Variants in C5 observed in about 807,000 individuals in gnomAD.
C5 encodes C3 and PZP-like alpha-2-macroglobulin domain-containing protein 4.
C5 carries 140 observed loss-of-function variants against 218.8 expected under a neutral mutation model. That is an observed-to-expected ratio of 0.64 (90% CI 0.56 to 0.74). The LOEUF is 0.74. Ranked by LOEUF, C5 falls within the 30% of genes least tolerant of loss-of-function variation. The pLI, the probability that C5 is intolerant of heterozygous loss-of-function variation, is 0.00. For synonymous variants in C5, 614 were observed against 682.3 expected (o/e 0.90, Z 1.56); for missense variants, 1,700 against 1,969.6 (o/e 0.86, Z 2.59).
chr9:120,962,133 A>G (rs756786452), intron 36 of C5, among the ~76,000 whole-genome samples: 4 of 152,204 alleles, frequency 2.6e-5, no homozygotes, highest in Non-Finnish European at 5.9e-5. Flanking sequence ...CAAATGTGGG[A>G]TCACCCATTC....
At chr9:121,019,921 A>G in intron 12 of C5, 55 bp downstream of exon 12, 1 of 1,174,064 alleles carries the variant, frequency 8.5e-7, no homozygotes. Context: ...TCTAGAGGCA[A>G]AGGAAAATGT....
chr9:121,062,429 T>C, the C5 span, among the ~76,000 whole-genome samples: 1 of 152,134 alleles, frequency 6.6e-6, no homozygotes, highest in Non-Finnish European at 1.5e-5. Context: ...CTTCTGCGTG[T>C]GGGGTTTGGG....
chr9:120,978,000 T>C (rs1245128488), intron 28 of C5, among the ~76,000 whole-genome samples: 1 of 152,116 alleles, frequency 6.6e-6, no homozygotes, highest in Non-Finnish European at 1.5e-5. Context: ...AAGGGATTAT[T>C]ATTATTATTA....
chr9:120,998,782 C>T (rs2131725582), intron 20 of C5, among the ~76,000 whole-genome samples: 1 of 152,290 alleles, frequency 6.6e-6, no homozygotes, highest in East Asian at 1.9e-4. Context: ...AAACATTTTT[C>T]ATCTTCCCTC....
intron 33 of C5, among the ~76,000 whole-genome samples, chr9:120,966,283 G>A (rs1361120596): frequency 6.6e-6 from 1 of 152,180 alleles, no homozygotes; most frequent in Non-Finnish European, 1.5e-5. Context: ...TTGATAATCT[G>A]GAATTAGGCC....
intron 11 of C5, 135 bp from the exon 12 acceptor site, chr9:121,020,314 T>C: frequency 1.4e-6 from 1 of 720,114 alleles, no homozygotes. Context: ...GAAAAAACCC[T>C]CCATTACTTC....
At chr9:120,971,115 T>C (rs1181687452) in intron 31 of C5, among the ~76,000 whole-genome samples, 1 of 142,280 alleles carries the variant, frequency 7.0e-6, no homozygotes, top group East Asian at 2.1e-4. Context: ...GAGGTTGCAG[T>C]GAGCCAAGAT....
chr9:121,025,555 G>A lies in C5; in HGVS notation c.899C>T (p.Thr300Ile). 6.2e-7 allele frequency: 1 copy of A among 1,612,766 alleles called. No individual in the cohort carries two copies. Among genetic ancestry groups the A allele is most frequent in the Non-Finnish European group, 8.5e-7 (1 of 1,179,584 alleles). ...TTTGACTGCTGTTTCAGAATCAAAT[G>A]TGACTTGAGCAATTCCATTTATCAA... Reference protein sequence around the residue: ...TMLINGIAQVTFDSETAVKEL... With the variant: ...TMLINGIAQVIFDSETAVKEL... Residue 300 changes from threonine (T) to isoleucine (I), a missense_variant, in exon 9 of 41, where the codon ACA becomes ATA. Transcript: ENST00000223642.
chr9:121,073,238 C>T, the C5 span, among the ~76,000 whole-genome samples: 26 of 152,320 alleles, frequency 1.7e-4, no homozygotes, highest in Admixed American at 5.9e-4. Flanking sequence ...TTTGTTCCAG[C>T]CACACTGAAT....
intron 21 of C5, among the ~76,000 whole-genome samples, chr9:120,996,738 T>C (rs1310759672): frequency 6.6e-6 from 1 of 152,158 alleles, no homozygotes; most frequent in Non-Finnish European, 1.5e-5. Context: ...CAAGGATGCA[T>C]GGGAATGTGC....
chr9:120,967,497 T>G (rs909670543), intron 33 of C5, among the ~76,000 whole-genome samples: 2 of 152,172 alleles, frequency 1.3e-5, no homozygotes, highest in African/African-American at 4.8e-5. Context: ...ACTGGGTGCA[T>G]GATTATAAGT....
intron 37 of C5, 132 bp from the exon 38 acceptor site, chr9:120,960,469 C>A (rs2046818845): frequency 1.5e-6 from 1 of 661,908 alleles, no homozygotes; most frequent in South Asian, 1.6e-5. Flanking sequence ...TTTCTAAGAC[C>A]TGCCCATTTT....
the C5 span, among the ~76,000 whole-genome samples, chr9:121,066,883 C>T: frequency 7.5e-6 from 1 of 134,128 alleles, no homozygotes; most frequent in African/African-American, 3.0e-5. Flanking sequence ...AAAACAAAAA[C>T]ACATGATCAT....
intron 34 of C5, 146 bp downstream of exon 34, chr9:120,963,490 T>G (rs1459825193): frequency 4.5e-6 from 3 of 666,040 alleles, no homozygotes; most frequent in Non-Finnish European, 7.9e-6. Context: ...GCAACAAGAG[T>G]GAAAATCCAC....
Position 121,037,924 on chromosome 9 carries a change from T to C in C5, c.449A>G (p.Asp150Gly). 2.0e-6 allele frequency: 3 copies of C among 1,533,812 alleles called. No individual in the cohort carries two copies. The highest frequency in any genetic ancestry group is 2.7e-6 in the Non-Finnish European group (3 of 1,118,966). ...SVKVRVYSLN[D>G]DLKPAKRETV... ...TTCTCTTTTGGCTGGCTTCAAGTCGTCATTCAACGAATAAACTCTAACTTT... is the reference window on the plus strand; with the variant it reads ...TTCTCTTTTGGCTGGCTTCAAGTCGCCATTCAACGAATAAACTCTAACTTT... Residue 150 changes from aspartate (D) to glycine (G), a missense_variant, in exon 4 of 41, where the codon GAC (aspartate) becomes GGC (glycine). Transcript: ENST00000223642.
At chr9:120,984,714 C>CTTTTT (rs149222003) in intron 25 of C5, among the ~76,000 whole-genome samples, 15 of 69,210 alleles carry the variant, frequency 2.2e-4, no homozygotes, top group African/African-American at 5.0e-4. Context: ...TAAGCTCTTA[C>CTTTTT]TTTTTTTTTT....
At chr9:120,975,587 A>T (rs2046947470) in intron 29 of C5, among the ~76,000 whole-genome samples, 1 of 152,182 alleles carries the variant, frequency 6.6e-6, no homozygotes, top group Non-Finnish European at 1.5e-5. Flanking sequence ...AATGCTGCTT[A>T]TTATAGAAGT....
chr9:121,037,844 T>C (rs1459941071), intron 4 of C5, 37 bp downstream of exon 4: 2 of 896,850 alleles, frequency 2.2e-6, no homozygotes, highest in Non-Finnish European at 3.5e-6. Context: ...TCCTGAAAAA[T>C]GAATTAAAGT....
the C5 span, among the ~76,000 whole-genome samples, chr9:121,060,240 T>C: frequency 6.6e-6 from 1 of 152,110 alleles, no homozygotes; most frequent in Non-Finnish European, 1.5e-5. Context: ...CCTGCTGGTA[T>C]TAACTTAATA....
Sources: allele counts gnomAD v4.1 joint callset (sites outside exome capture counted in the v4.1 genomes callset), GRCh38; gene constraint gnomAD v4.1.1; transcripts MANE v1.5; gene names NCBI Gene and HGNC (gene_info 2026-07-23, HGNC 2026-07-21).